The following XDH variants were observed in gnomAD, a reference collection of about 807,000 sequenced individuals.
The protein encoded by XDH is xanthine dehydrogenase.
A neutral mutation model predicts 156.1 loss-of-function variants in XDH; 138 were observed. The observed-to-expected ratio is 0.88, with a 90% CI of 0.77 to 1.02. The LOEUF is 1.02. Among genes scored for constraint, XDH ranks in the 50% least tolerant of loss-of-function variants. The pLI is 0.00. For missense variants in XDH, 1,849 were observed against 1,684.9 expected, an observed-to-expected ratio of 1.10 and a Z score of -1.71; for synonymous variants, 669 against 625.7, an observed-to-expected ratio of 1.07 and a Z score of -1.03.
At chr2:31,369,116 T>G (rs1284324762) in intron 18 of XDH, among the ~76,000 whole-genome samples, 1 of 152,164 alleles carries the variant, frequency 6.6e-6, no homozygotes, top group African/African-American at 2.4e-5. Flanking sequence ...TCTTTTCACC[T>G]CACCACTCTC....
chr2:31,341,920 A>T (rs1685134303), intron 32 of XDH, among the ~76,000 whole-genome samples: 1 of 152,242 alleles, frequency 6.6e-6, no homozygotes, highest in Non-Finnish European at 1.5e-5. Context: ...TTTTATTGGA[A>T]CAGAGTCACA....
intron 20 of XDH, among the ~76,000 whole-genome samples, chr2:31,367,336 G>C (rs1489683228): frequency 6.6e-6 from 1 of 152,226 alleles, no homozygotes; most frequent in South Asian, 2.1e-4. Flanking sequence ...TAATAGATGT[G>C]ATTGAAACAC....
At position 31,337,642 on chromosome 2, in the gene XDH, A is replaced by AGGGTGGT. The variant is rs1491482755; in HGVS notation, c.3943_3949dup (p.Leu1317HisfsTer74). On this transcript the variant is annotated frameshift_variant and splice_region_variant, in exon 35 of 36. Coordinates refer to ENST00000379416, the MANE Select transcript of XDH (RefSeq NM_000379.4). LOFTEE classifies it high-confidence loss of function. ...GTGGATGCTTGAGGGGCATCATACC[A>AGGGTGGT]GGGTGGTGAACTTGTCCACGCAGGC... 1 of 1,614,026 alleles carries AGGGTGGT rather than the reference A, an allele frequency of 6.2e-7. No individual in the cohort carries two copies. The highest frequency in any genetic ancestry group is 1.7e-5 in the Admixed American group (1 of 60,022).
chr2:31,384,853 T>C (rs973892347), intron 9 of XDH, among the ~76,000 whole-genome samples: 1 of 152,174 alleles, frequency 6.6e-6, no homozygotes, highest in African/African-American at 2.4e-5. Flanking sequence ...AAGTTCTACG[T>C]TACTAAGGTT....
chr2:31,360,156 T>C (rs1006923059), intron 24 of XDH, among the ~76,000 whole-genome samples: 4 of 152,212 alleles, frequency 2.6e-5, no homozygotes, highest in African/African-American at 9.6e-5. Flanking sequence ...GAAGCCTTGG[T>C]CCAAACATAT....
chr2:31,378,167 GAAGGAAGGAAGCAAGCAAGC>G (rs1414327443), intron 13 of XDH, among the ~76,000 whole-genome samples: 4,559 of 98,014 alleles, frequency 0.047, 333 homozygotes, highest in East Asian at 0.056. Flanking sequence ...AGGAAGGAAG[GAAGGAAGGAAGCAAGCAAGC>G]AAGCAAAGCA....
At chr2:31,346,953 G>A (rs1685313149) in intron 29 of XDH, 110 bp from the exon 30 acceptor site, 4 of 1,446,962 alleles carry the variant, frequency 2.8e-6, no homozygotes, top group Non-Finnish European at 2.9e-6. Flanking sequence ...CTGTACCCAG[G>A]GTGCCACTCA....
At chr2:31,375,008 T>C (rs1686189429) in intron 15 of XDH, among the ~76,000 whole-genome samples, 1 of 111,096 alleles carries the variant, frequency 9.0e-6, no homozygotes, top group African/African-American at 4.8e-5. Flanking sequence ...TCTTTCTTTC[T>C]TTCTTTCTTT....
intron 26 of XDH, 82 bp downstream of exon 26, chr2:31,349,604 T>C: frequency 6.6e-7 from 1 of 1,510,024 alleles, no homozygotes; most frequent in Non-Finnish European, 8.9e-7. Context: ...ATTGAATTAT[T>C]AGCTTCCTAT....
chr2:31,401,803 G>C (rs1160406245), intron 3 of XDH, among the ~76,000 whole-genome samples: 1 of 152,188 alleles, frequency 6.6e-6, no homozygotes, highest in African/African-American at 2.4e-5. Flanking sequence ...AAACCCCCAG[G>C]CAACATGAGA....
intron 25 of XDH, 89 bp downstream of exon 25, chr2:31,349,943 C>T: frequency 1.9e-6 from 3 of 1,611,156 alleles, no homozygotes; most frequent in East Asian, 2.2e-5. Context: ...CTGTCATCTG[C>T]CCCCATGGGA....
At chr2:31,350,328 G>A (rs1685433953) in intron 24 of XDH, 105 bp from the exon 25 acceptor site, 6 of 1,004,576 alleles carry the variant, frequency 6.0e-6, no homozygotes, top group Middle Eastern at 2.4e-4. Flanking sequence ...TTTCCCCTCT[G>A]CACCCAAGTT....
intron 14 of XDH, among the ~76,000 whole-genome samples, chr2:31,376,565 G>T (rs1004631382): frequency 6.7e-6 from 1 of 149,328 alleles, no homozygotes; most frequent in Admixed American, 6.7e-5. Flanking sequence ...TAGAGTAAGC[G>T]GTAGAAGAGG....
chr2:31,348,381 T>G lies in XDH; in HGVS notation c.3052-18A>C. The G allele has an allele frequency of 6.2e-7, 1 of 1,611,920 alleles. No individual in the cohort carries two copies. Among genetic ancestry groups the G allele is most frequent in the South Asian group, 1.1e-5 (1 of 90,884 alleles). Reference sequence around the variant, plus strand: ...GCTCCTGCCTAGGGAAAGAGAAGGATGCCAGACACAAAATTCAGTAAAATC... The same window carrying G: ...GCTCCTGCCTAGGGAAAGAGAAGGAGGCCAGACACAAAATTCAGTAAAATC... On this transcript the variant is annotated intron_variant, in intron 27 of 35. Transcript: ENST00000379416.
At chr2:31,391,216 A>G (rs206851) in intron 6 of XDH, among the ~76,000 whole-genome samples, 114,362 of 152,116 alleles carry the variant, frequency 0.75, 43,710 homozygotes, top group African/African-American at 0.89. Flanking sequence ...AGCACCATTT[A>G]TTAAAAAGAC....
At chr2:31,367,464 T>TA (rs1175570423) in intron 20 of XDH, among the ~76,000 whole-genome samples, 1 of 152,124 alleles carries the variant, frequency 6.6e-6, no homozygotes, top group Non-Finnish European at 1.5e-5. Flanking sequence ...ACAGCCAATG[T>TA]AAAAAACAGT....
At chr2:31,373,013 A>G (rs1313578359) in intron 16 of XDH, among the ~76,000 whole-genome samples, 3 of 152,214 alleles carry the variant, frequency 2.0e-5, no homozygotes, top group Non-Finnish European at 4.4e-5. Context: ...CAAAGTAATC[A>G]TAACAATGGC....
intron 24 of XDH, among the ~76,000 whole-genome samples, chr2:31,358,737 C>T (rs1213063690): frequency 3.9e-5 from 6 of 152,002 alleles, no homozygotes; most frequent in Non-Finnish European, 8.8e-5. Flanking sequence ...TCAGAAAACA[C>T]TAATGGAAGA....
rs570058277 is a variant in XDH, at chr2:31,369,558, C to T, written c.1980+797G>A. Reference sequence around the variant, plus strand: ...TCTTATGGCCCAAATAAGCTATTGACTCAGTTGGTTAGTGCAATGGTGGTT... The same window carrying T: ...TCTTATGGCCCAAATAAGCTATTGATTCAGTTGGTTAGTGCAATGGTGGTT... On this transcript the variant is annotated intron_variant, in intron 18 of 35. Transcript: ENST00000379416. Among the ~76,000 whole-genome samples, 127 of 152,238 alleles carry T rather than the reference C, an allele frequency of 8.3e-4. 1 individual carries two copies. The highest frequency in any genetic ancestry group is 2.8e-3 in the African/African-American group (116 of 41,544).
Sources: gnomAD v4.1 joint callset for allele counts (sites outside exome capture counted in the v4.1 genomes callset) on GRCh38, gnomAD v4.1.1 for gene constraint, MANE v1.5 for transcripts, NCBI Gene and HGNC (gene_info 2026-07-23, HGNC 2026-07-21) for gene names.